The following SETBP1 variants were observed in gnomAD, a reference collection of about 807,000 sequenced individuals.
SETBP1 encodes SET binding protein 1.
Under a neutral mutation model 101.0 loss-of-function variants are expected in SETBP1, and 9 were observed. The ratio of observed to expected loss-of-function variants is 0.09; its 90% CI spans 0.05 to 0.16. The LOEUF (loss-of-function observed/expected upper bound fraction) is 0.16, where lower values mean the gene tolerates loss of function less well. SETBP1 is among the 10% of genes least tolerant of loss of function. SETBP1 has a pLI of 1.00. For missense variants in SETBP1, 1,858 were observed against 2,033.8 expected, an observed-to-expected ratio of 0.91 and a Z score of 1.66; for synonymous variants, 818 against 788.5, an observed-to-expected ratio of 1.04 and a Z score of -0.63.
intron 2 of SETBP1, among the ~76,000 whole-genome samples, chr18:44,794,183 C>A (rs2071424306): frequency 6.6e-6 from 1 of 152,160 alleles, no homozygotes; most frequent in African/African-American, 2.4e-5. Flanking sequence ...ACAACTGTAA[C>A]CCTTTTAGCT....
intron 2 of SETBP1, among the ~76,000 whole-genome samples, chr18:44,757,592 C>T (rs146783865): frequency 6.6e-6 from 1 of 152,132 alleles, no homozygotes; most frequent in Non-Finnish European, 1.5e-5. Flanking sequence ...CAATAGTGAA[C>T]ATTTACTCAA....
intron 2 of SETBP1, among the ~76,000 whole-genome samples, chr18:44,750,571 A>G (rs1300720534): frequency 6.6e-6 from 1 of 152,190 alleles, no homozygotes; most frequent in East Asian, 1.9e-4. Flanking sequence ...AAATCATTGG[A>G]CAAACTTGGG....
intron 2 of SETBP1, among the ~76,000 whole-genome samples, chr18:44,850,335 G>C (rs568134574): frequency 1.3e-5 from 2 of 152,076 alleles, no homozygotes; most frequent in Non-Finnish European, 1.5e-5. Flanking sequence ...TGTGTACAAA[G>C]CTTTAATTCG....
At chr18:44,946,770 A>G (rs1447804596) in intron 3 of SETBP1, among the ~76,000 whole-genome samples, 1 of 152,210 alleles carries the variant, frequency 6.6e-6, no homozygotes, top group East Asian at 1.9e-4. Flanking sequence ...TAAGTCTCTG[A>G]CCTCAAAGTA....
intron 1 of SETBP1, among the ~76,000 whole-genome samples, chr18:44,699,149 T>C (rs527629831): frequency 1.3e-5 from 2 of 152,358 alleles, no homozygotes; most frequent in African/African-American, 4.8e-5. Flanking sequence ...TGTATATGCT[T>C]TGTCTTTTCT....
At chr18:44,869,163 G>C in intron 2 of SETBP1, 67 bp from the exon 3 acceptor site, 1 of 1,401,672 alleles carries the variant, frequency 7.1e-7, no homozygotes, top group Non-Finnish European at 1.0e-6. Flanking sequence ...TTGCTGGTCA[G>C]TTGTCGTGGG....
At chr18:45,012,549 C>T (rs923190460) in intron 4 of SETBP1, among the ~76,000 whole-genome samples, 2 of 152,118 alleles carry the variant, frequency 1.3e-5, no homozygotes, top group African/African-American at 4.8e-5. Context: ...CCTTTGCTAG[C>T]TCTAGGAATT....
Position 44,701,817 on chromosome 18 carries a change from C to A in SETBP1, c.471C>A (p.Ser157Arg). The A allele has an allele frequency of 6.2e-7, 1 of 1,613,144 alleles. No individual in the cohort carries two copies. The highest frequency in any genetic ancestry group is 1.7e-5 in the Admixed American group (1 of 60,016). The part of the protein sequence containing the change: ...NSKATKEEER[S>R]HSKKKLLTAS... ...AAGCCACGAAGGAGGAAGAAAGAAG[C>A]CACTCCAAAAAGAAGGTAGGAAGCC... Residue 157 changes from serine (S) to arginine (R), a missense_variant, in exon 2 of 6, where the codon AGC (serine) becomes AGA (arginine). Coordinates refer to ENST00000649279, the MANE Select transcript of SETBP1 (RefSeq NM_015559.3).
At chr18:44,911,285 TGA>T (rs1171217107) in intron 3 of SETBP1, among the ~76,000 whole-genome samples, 1 of 152,196 alleles carries the variant, frequency 6.6e-6, no homozygotes, top group Non-Finnish European at 1.5e-5. Context: ...AGTATATAAC[TGA>T]GAGAGAATTT....
At chr18:44,864,044 G>T (rs1315263554) in intron 2 of SETBP1, among the ~76,000 whole-genome samples, 1 of 152,120 alleles carries the variant, frequency 6.6e-6, no homozygotes, top group Non-Finnish European at 1.5e-5. Flanking sequence ...TATCCAAATG[G>T]AGTATGCATT....
chr18:44,877,060 C>T (rs1006568609), intron 3 of SETBP1: 3 of 1,072,418 alleles, frequency 2.8e-6, no homozygotes, highest in Non-Finnish European at 3.4e-6. Context: ...TGCCTTTACT[C>T]TCTAGGCCTT....
chr18:44,811,286 C>G (rs927080363), intron 2 of SETBP1, among the ~76,000 whole-genome samples: 2 of 152,258 alleles, frequency 1.3e-5, no homozygotes, highest in African/African-American at 4.8e-5. Context: ...TCTGAACATT[C>G]ATCCAGGCAG....
intron 4 of SETBP1, among the ~76,000 whole-genome samples, chr18:44,974,888 A>G (rs1383666331): frequency 1.3e-5 from 2 of 152,220 alleles, no homozygotes; most frequent in African/African-American, 2.4e-5. Flanking sequence ...CTAAGTAAAA[A>G]TAGGATACAT....
chr18:44,787,601 T>A (rs1287135566), intron 2 of SETBP1, among the ~76,000 whole-genome samples: 1 of 151,768 alleles, frequency 6.6e-6, no homozygotes, highest in Non-Finnish European at 1.5e-5. Flanking sequence ...ACGCCTGTAA[T>A]CCCAGCACTT....
At chr18:44,701,087 C>T (rs746109410) in intron 1 of SETBP1, 88 bp from the exon 2 acceptor site, 2 of 376,226 alleles carry the variant, frequency 5.3e-6, no homozygotes, top group Non-Finnish European at 9.5e-6. Flanking sequence ...GCCATAGATA[C>T]GTGGAAGGGG....
At chr18:44,945,396 A>G (rs2071182665) in intron 3 of SETBP1, among the ~76,000 whole-genome samples, 3 of 152,222 alleles carry the variant, frequency 2.0e-5, no homozygotes, top group African/African-American at 7.2e-5. Context: ...TACATTACAG[A>G]AGAACTTGCT....
intron 4 of SETBP1, among the ~76,000 whole-genome samples, chr18:45,008,015 C>A (rs1277118252): frequency 6.6e-6 from 1 of 152,192 alleles, no homozygotes; most frequent in African/African-American, 2.4e-5. Flanking sequence ...CCAAAGCTGG[C>A]TTTACATTAT....
chr18:44,939,675 C>A lies in SETBP1; in HGVS notation c.541-10206C>A, dbSNP rs117408384. Among the ~76,000 whole-genome samples, 1,211 of 152,304 alleles carry A rather than the reference C, an allele frequency of 8.0e-3. 5 individuals are homozygous for A. Among genetic ancestry groups the A allele is most frequent in the Non-Finnish European group, 0.014 (978 of 68,026 alleles). ...TACTGTTTTATGCTCCCTCCAACAA[C>A]GTATGATAGTGTCAGTTGCTCCAGA... On this transcript the variant is annotated intron_variant, in intron 3 of 5. Coordinates refer to ENST00000649279, the MANE Select transcript of SETBP1 (RefSeq NM_015559.3).
chr18:44,914,849 C>T (rs1400713702), intron 3 of SETBP1, among the ~76,000 whole-genome samples: 1 of 152,090 alleles, frequency 6.6e-6, no homozygotes, highest in East Asian at 1.9e-4. Context: ...GCTCTATCAA[C>T]CCCAAGACTC....
Sources: allele counts gnomAD v4.1 joint callset (sites outside exome capture counted in the v4.1 genomes callset), GRCh38; gene constraint gnomAD v4.1.1; transcripts MANE v1.5; gene names NCBI Gene and HGNC (gene_info 2026-07-23, HGNC 2026-07-21).